The following CCSER1 variants were observed in gnomAD, a reference collection of about 807,000 sequenced individuals.
CCSER1 encodes coiled-coil serine rich protein 1.
A neutral mutation model predicts 82.0 loss-of-function variants in CCSER1; 41 were observed. The observed-to-expected ratio is 0.50, with a 90% confidence interval of 0.39 to 0.65. The LOEUF is 0.65. Ranked by LOEUF, CCSER1 falls within the 30% of genes least tolerant of loss-of-function variation. The pLI is 0.00. For synonymous variants in CCSER1, 414 were observed against 383.9 expected (o/e 1.08, Z -0.92); for missense variants, 1,119 against 1,064.2 (o/e 1.05, Z -0.72).
At chr4:90,841,262 A>G (rs1233142432) in intron 8 of CCSER1, among the ~76,000 whole-genome samples, 1 of 152,198 alleles carries the variant, frequency 6.6e-6, no homozygotes, top group African/African-American at 2.4e-5. Context: ...AGAAACAAAC[A>G]TAGAAGACAA....
chr4:90,739,544 C>T (rs1204831674), intron 7 of CCSER1, among the ~76,000 whole-genome samples: 1 of 152,156 alleles, frequency 6.6e-6, no homozygotes, highest in African/African-American at 2.4e-5. Context: ...CCAGGAATTG[C>T]AGTCCTTGTG....
intron 3 of CCSER1, among the ~76,000 whole-genome samples, chr4:90,326,055 CTTTT>C (rs371592827): frequency 9.0e-6 from 1 of 111,588 alleles, no homozygotes; most frequent in Non-Finnish European, 1.8e-5. Flanking sequence ...TATGTGATAC[CTTTT>C]TTTTTTTTTT....
intron 3 of CCSER1, among the ~76,000 whole-genome samples, chr4:90,373,815 T>G (rs1747865946): frequency 6.6e-6 from 1 of 152,170 alleles, no homozygotes; most frequent in Admixed American, 6.5e-5. Context: ...TGCCTCCCCT[T>G]GGAACAAAGG....
rs185380529 is a variant in CCSER1 at position 90,659,966 on chromosome 4, T to G, written c.1932+31734T>G. On this transcript the variant is annotated intron_variant, in intron 6 of 10. Coordinates refer to ENST00000509176, the MANE Select transcript of CCSER1 (RefSeq NM_001145065.2). ...TCATTTGCACACTTTTTAGTGAGGTTTTTTGTTGTTGTTGAGTTCTTTGAG... is the reference window on the plus strand; with the variant it reads ...TCATTTGCACACTTTTTAGTGAGGTGTTTTGTTGTTGTTGAGTTCTTTGAG... Among the ~76,000 whole-genome samples the G allele has an allele frequency of 3.9e-5, 6 of 152,008 alleles. No homozygotes were observed. In the East Asian group the frequency reaches 1.2e-3, roughly 29 times the overall value.
At chr4:90,457,144 G>A (rs777280194) in intron 4 of CCSER1, among the ~76,000 whole-genome samples, 4 of 152,140 alleles carry the variant, frequency 2.6e-5, no homozygotes, top group Non-Finnish European at 4.4e-5. Context: ...GGTTCCCTGC[G>A]AGGCTATGGC....
chr4:90,414,074 G>C (rs922986067), intron 4 of CCSER1, among the ~76,000 whole-genome samples: 1 of 140,574 alleles, frequency 7.1e-6, no homozygotes, highest in Non-Finnish European at 1.5e-5. Flanking sequence ...TTATAGTGCA[G>C]TAAGTGGATA....
intron 9 of CCSER1, among the ~76,000 whole-genome samples, chr4:90,949,961 C>T (rs1438792835): frequency 3.3e-5 from 5 of 152,092 alleles, no homozygotes; most frequent in Non-Finnish European, 5.9e-5. Context: ...GTGTCCCTTA[C>T]GTTAGTCTGA....
At chr4:91,156,083 G>A (rs891647283) in intron 10 of CCSER1, among the ~76,000 whole-genome samples, 1 of 151,604 alleles carries the variant, frequency 6.6e-6, no homozygotes, top group South Asian at 2.1e-4. Context: ...AAATAGAGGG[G>A]GTAGATACTT....
intron 4 of CCSER1, among the ~76,000 whole-genome samples, chr4:90,463,528 T>C (rs1475977427): frequency 2.0e-5 from 3 of 152,314 alleles, no homozygotes; most frequent in South Asian, 4.1e-4. Flanking sequence ...GTCATTTAAA[T>C]GTTTGTTAAA....
intron 10 of CCSER1, among the ~76,000 whole-genome samples, chr4:91,460,814 T>C (rs1344551461): frequency 6.6e-6 from 1 of 152,166 alleles, no homozygotes; most frequent in African/African-American, 2.4e-5. Flanking sequence ...TCTACTTGTA[T>C]GCTACAGAGA....
chr4:90,663,247 A>C (rs1731144250), intron 6 of CCSER1, among the ~76,000 whole-genome samples: 1 of 152,196 alleles, frequency 6.6e-6, no homozygotes, highest in Admixed American at 6.5e-5. Context: ...TTTATTTCTT[A>C]CAATTTTCTA....
intron 8 of CCSER1, among the ~76,000 whole-genome samples, chr4:90,901,631 G>C (rs2150151657): frequency 6.6e-6 from 1 of 152,022 alleles, no homozygotes; most frequent in South Asian, 2.1e-4. Context: ...TAGCTGATAA[G>C]GTTTTTGTTG....
intron 9 of CCSER1, among the ~76,000 whole-genome samples, chr4:91,025,215 C>T (rs1740384172): frequency 6.6e-6 from 1 of 151,988 alleles, no homozygotes; most frequent in East Asian, 1.9e-4. Context: ...GGTGTCCAGC[C>T]TGGGAGTTTA....
At chr4:90,936,187 T>C (rs1730908761) in intron 9 of CCSER1, among the ~76,000 whole-genome samples, 1 of 152,084 alleles carries the variant, frequency 6.6e-6, no homozygotes, top group African/African-American at 2.4e-5. Flanking sequence ...GTTTCTAAAA[T>C]GTAATTATTA....
chr4:91,430,235 C>T (rs945711961), intron 10 of CCSER1, among the ~76,000 whole-genome samples: 4 of 151,958 alleles, frequency 2.6e-5, no homozygotes, highest in Non-Finnish European at 5.9e-5. Flanking sequence ...AATGGTATAC[C>T]ATAGTATTTC....
At chr4:91,156,476 T>C (rs1730829096) in intron 10 of CCSER1, among the ~76,000 whole-genome samples, 2 of 151,684 alleles carry the variant, frequency 1.3e-5, no homozygotes, top group South Asian at 4.1e-4. Flanking sequence ...CTCATATTTA[T>C]TCTCCTTGTT....
chr4:90,669,560 A>C (rs747540516), intron 6 of CCSER1, among the ~76,000 whole-genome samples: 4 of 152,100 alleles, frequency 2.6e-5, no homozygotes, highest in African/African-American at 4.8e-5. Context: ...ATTATGCTTG[A>C]TAAGTTTGGT....
intron 10 of CCSER1, among the ~76,000 whole-genome samples, chr4:91,093,741 G>T (rs987299839): frequency 6.6e-6 from 1 of 152,212 alleles, no homozygotes; most frequent in Non-Finnish European, 1.5e-5. Flanking sequence ...GTCAAATCTG[G>T]TAGTCCTAAG....
intron 10 of CCSER1, among the ~76,000 whole-genome samples, chr4:91,358,435 A>G (rs1749017246): frequency 7.3e-6 from 1 of 136,296 alleles, no homozygotes; most frequent in Non-Finnish European, 1.5e-5. Context: ...CCACACTCAC[A>G]CCACACATAC....
Sources: gnomAD v4.1 joint callset for allele counts (sites outside exome capture counted in the v4.1 genomes callset) on GRCh38, gnomAD v4.1.1 for gene constraint, MANE v1.5 for transcripts, NCBI Gene and HGNC (gene_info 2026-07-23, HGNC 2026-07-21) for gene names.